The following UGT1A6 variants were observed in gnomAD, a reference collection of about 807,000 sequenced individuals.
The protein encoded by UGT1A6 is UDP glucuronosyltransferase family 1 member A6.
Under a neutral mutation model 44.4 loss-of-function variants are expected in UGT1A6, and 32 were observed. The ratio of observed to expected loss-of-function variants is 0.72; its 90% CI spans 0.54 to 0.97. The LOEUF is 0.97. Ranked by LOEUF, UGT1A6 falls within the 50% of genes least tolerant of loss-of-function variation. The pLI is 0.00. For missense variants in UGT1A6, 685 were observed against 661.9 expected (o/e 1.03, Z -0.38); for synonymous variants, 238 against 248.5 (o/e 0.96, Z 0.40).
At chr2:233,741,211 A>C (rs764528916) in intron 1 of UGT1A6, among the ~76,000 whole-genome samples, 2 of 151,912 alleles carry the variant, frequency 1.3e-5, no homozygotes, top group African/African-American at 4.9e-5. Context: ...AACTAGCCAG[A>C]GTTGTTACAG....
In UGT1A6 at chr2:233,747,728, T is replaced by C. The variant is rs1488461574; in HGVS notation, c.862-19306T>C. 2.5e-6 allele frequency: 4 copies of C among 1,613,386 alleles called. No homozygotes were observed. In the African/African-American group the frequency reaches 4.0e-5, roughly 16 times the overall value. Reference sequence around the variant, plus strand: ...ACCTATCAATTCCTGCTGTGTTTTTTTTGAGGAACATTCCATGTGATTTAG... The same window carrying C: ...ACCTATCAATTCCTGCTGTGTTTTTCTTGAGGAACATTCCATGTGATTTAG... On this transcript the variant is annotated intron_variant, in intron 1 of 4. Coordinates refer to ENST00000305139, the MANE Select transcript of UGT1A6 (RefSeq NM_001072.4).
In UGT1A6 at chr2:233,768,134, C is replaced by T. The variant is rs558476019; in HGVS notation, c.1082-86C>T. The T allele has an allele frequency of 1.1e-4, 173 of 1,608,048 alleles. No homozygotes were observed. The African/African-American group carries it at 2.2e-3, about 21-fold the overall frequency. Reference sequence around the variant, plus strand: ...CAAGGGCATGTGAGTAACACTGAGTCTTTGGAGTGTTTTCAGAACCTAGAT... The same window carrying T: ...CAAGGGCATGTGAGTAACACTGAGTTTTTGGAGTGTTTTCAGAACCTAGAT... On this transcript the variant is annotated intron_variant, in intron 3 of 4. Transcript: ENST00000305139.
At chr2:233,729,079 C>G (rs372945950) in intron 1 of UGT1A6, 1,314 of 1,611,886 alleles carry the variant, frequency 8.2e-4, no homozygotes, top group Non-Finnish European at 1.1e-3. Flanking sequence ...GCAAATGTAG[C>G]AGGCACAGCG....
chr2:233,727,656 C>T (rs982873405), intron 1 of UGT1A6, among the ~76,000 whole-genome samples: 1 of 152,148 alleles, frequency 6.6e-6, no homozygotes, highest in Non-Finnish European at 1.5e-5. Context: ...CTTTCTAGTG[C>T]TCTATGTCCT....
chr2:233,695,837 G>C (rs1438595123), intron 1 of UGT1A6, among the ~76,000 whole-genome samples: 1 of 152,094 alleles, frequency 6.6e-6, no homozygotes, highest in Non-Finnish European at 1.5e-5. Flanking sequence ...AAACTCAAAG[G>C]GTTTTTCCTG....
At chr2:233,729,448 A>C in intron 1 of UGT1A6, 2 of 1,614,064 alleles carry the variant, frequency 1.2e-6, no homozygotes, top group South Asian at 2.2e-5. Context: ...ACATTTTCTG[A>C]AGAAATTTTT....
At chr2:233,701,242 A>G (rs1295860710) in intron 1 of UGT1A6, among the ~76,000 whole-genome samples, 2 of 152,144 alleles carry the variant, frequency 1.3e-5, no homozygotes, top group South Asian at 4.1e-4. Context: ...CCCAGTAATG[A>G]GATGGCTGGG....
intron 1 of UGT1A6, among the ~76,000 whole-genome samples, chr2:233,749,072 C>A (rs570371111): frequency 6.6e-6 from 1 of 151,796 alleles, no homozygotes; most frequent in East Asian, 1.9e-4. Flanking sequence ...GTTTCTTATT[C>A]CTTGGTGTGC....
At chr2:233,733,568 T>G (rs1265676895) in intron 1 of UGT1A6, among the ~76,000 whole-genome samples, 1 of 152,248 alleles carries the variant, frequency 6.6e-6, no homozygotes, top group Non-Finnish European at 1.5e-5. Flanking sequence ...GAAATAATCA[T>G]GTGGTTTGTC....
chr2:233,719,081 G>A (rs146146688), intron 1 of UGT1A6: 3 of 1,614,150 alleles, frequency 1.9e-6, no homozygotes, highest in Non-Finnish European at 2.5e-6. Context: ...GGACCCAGAA[G>A]GAATTTGATC....
intron 1 of UGT1A6, among the ~76,000 whole-genome samples, chr2:233,716,930 GCTC>G (rs2125650647): frequency 6.6e-6 from 1 of 152,262 alleles, no homozygotes; most frequent in South Asian, 2.1e-4. Flanking sequence ...GCCTTGGGCA[GCTC>G]CTCCTATTTC....
rs530894832 is a variant in UGT1A6, at chr2:233,736,505, A to T, written c.862-30529A>T. 2.0e-5 allele frequency among the ~76,000 whole-genome samples: 3 copies of T among 152,320 alleles called. No individual in the cohort carries two copies. The East Asian group carries it at 5.8e-4, about 29-fold the overall frequency. On this transcript the variant is annotated intron_variant, in intron 1 of 4. Transcript: ENST00000305139. ...TGTTACTACCAAACTTCTGAAGCCT[A>T]CTTCTGTCAACTCGTCAAAGTCATT... is the stretch of plus-strand genomic sequence containing the variant.
At chr2:233,755,091 T>C (rs747522597) in intron 1 of UGT1A6, 2 of 1,335,830 alleles carry the variant, frequency 1.5e-6, no homozygotes, top group East Asian at 4.6e-5. Flanking sequence ...ATCGCGTTTC[T>C]ACGCGTCCGA....
At chr2:233,743,847 G>A (rs771949487) in intron 1 of UGT1A6, 44 of 1,367,104 alleles carry the variant, frequency 3.2e-5, no homozygotes, top group Non-Finnish European at 4.2e-5. Flanking sequence ...GCCAGCTTGC[G>A]GTACGCCTTC....
chr2:233,772,622 C>G lies in UGT1A6; in HGVS notation c.*63C>G. ...CCCTAGTCATTTCCAAACTTGAAAA[C>G]AGAATCAGTGTTAAATTCATTTTAT... On this transcript the variant is annotated 3_prime_UTR_variant, in exon 5 of 5. Transcript: ENST00000305139. 2.6e-6 allele frequency: 4 copies of G among 1,567,434 alleles called. No individual in the cohort carries two copies. The highest frequency in any genetic ancestry group is 3.5e-6 in the Non-Finnish European group (4 of 1,155,382).
rs1559415894 is a variant in UGT1A6, at chr2:233,768,434, C to CA, written c.1300dup (p.Ser434LysfsTer74). 6.2e-7 allele frequency: 1 copy of CA among 1,613,634 alleles called. No individual in the cohort carries two copies. The highest frequency in any genetic ancestry group is 1.1e-5 in the South Asian group (1 of 90,992). Reference sequence around the variant, plus strand: ...ATGCTCTAAAAGCAGTCATCAATGACAAAAGGTAAGAAAGAAGATACAGAA... The same window carrying CA: ...ATGCTCTAAAAGCAGTCATCAATGACAAAAAGGTAAGAAAGAAGATACAGAA... On this transcript the variant is annotated frameshift_variant, in exon 4 of 5. Transcript: ENST00000305139. LOFTEE classifies it high-confidence loss of function.
intron 1 of UGT1A6, chr2:233,729,350 T>A (rs751106111): frequency 2.5e-6 from 4 of 1,614,098 alleles, no homozygotes; most frequent in Non-Finnish European, 3.4e-6. Context: ...GAGAACTTTT[T>A]CACCCTGACA....
At position 233,719,059 on chromosome 2, in the gene UGT1A6, A is replaced by G. The variant is rs747301276; in HGVS notation, c.861+25194A>G. The G allele has an allele frequency of 3.7e-6, 6 of 1,614,138 alleles. No individual in the cohort carries two copies. In the South Asian group the frequency reaches 4.4e-5, roughly 12 times the overall value. On this transcript the variant is annotated intron_variant, in intron 1 of 4. Transcript: ENST00000305139. Reference sequence around the variant, plus strand: ...GAGAAATTTTTCACCCTGACAGCCTATGCTGTTCCATGGACCCAGAAGGAA... The same window carrying G: ...GAGAAATTTTTCACCCTGACAGCCTGTGCTGTTCCATGGACCCAGAAGGAA...
At chr2:233,736,366 C>A (rs985371581) in intron 1 of UGT1A6, among the ~76,000 whole-genome samples, 1 of 152,198 alleles carries the variant, frequency 6.6e-6, no homozygotes, top group African/African-American at 2.4e-5. Context: ...TCCATCAGGT[C>A]ATTTAAGGTC....
Sources: gnomAD v4.1 joint callset for allele counts (sites outside exome capture counted in the v4.1 genomes callset) on GRCh38, gnomAD v4.1.1 for gene constraint, MANE v1.5 for transcripts, NCBI Gene and HGNC (gene_info 2026-07-23, HGNC 2026-07-21) for gene names.